The following ZDHHC18 variants were observed in gnomAD, a reference collection of about 807,000 sequenced individuals.
ZDHHC18 encodes zDHHC palmitoyltransferase 18, also known as palmitoyltransferase ZDHHC18.
Under a neutral mutation model 37.5 loss-of-function variants are expected in ZDHHC18, and 23 were observed. The observed-to-expected ratio is 0.61, with a 90% CI of 0.44 to 0.87. The LOEUF (loss-of-function observed/expected upper bound fraction) is 0.87. Ranked by LOEUF, ZDHHC18 falls within the 40% of genes least tolerant of loss-of-function variation. ZDHHC18 has a pLI of 0.00. For missense variants in ZDHHC18, 406 were observed against 525.6 expected, an observed-to-expected ratio of 0.77 and a Z score of 2.22; for synonymous variants, 185 against 218.7, an observed-to-expected ratio of 0.85 and a Z score of 1.36.
rs71007896 is a variant in ZDHHC18 at position 26,845,320 on chromosome 1, C to CTTTTTTTTTTTTTTTTTT, written c.497-3273_497-3256dup. Among the ~76,000 whole-genome samples, 2 of 45,194 alleles carry CTTTTTTTTTTTTTTTTTT rather than the reference C, an allele frequency of 4.4e-5. 1 individual carries two copies. Among genetic ancestry groups the CTTTTTTTTTTTTTTTTTT allele is most frequent in the African/African-American group, 2.5e-4 (2 of 7,956 alleles). The allele number at this position is 45,194 out of a possible 152,430, so 29.6% of individuals were successfully genotyped here. ...CTGCTCTAAAGGTTACTTCTTCATT[C>CTTTTTTTTTTTTTTTTTT]TTTTTTTTTTTTTTTTTTTTTTTTT... On this transcript the variant is annotated intron_variant, in intron 2 of 7. Transcript: ENST00000374142.
At chr1:26,840,888 C>G (rs2081635451) in intron 2 of ZDHHC18, among the ~76,000 whole-genome samples, 1 of 150,086 alleles carries the variant, frequency 6.7e-6, no homozygotes, top group African/African-American at 2.5e-5. Flanking sequence ...GTAGTTATCT[C>G]TCTTGTTAGG....
rs77097001 is a variant in ZDHHC18 at position 26,833,152 on chromosome 1, C to A, written c.496+545C>A. ...AGCAGTGAACAAAACTGACAATAGTCCCTGTCCTCATGGAGCTTGACAGTT... is the reference window on the plus strand; with the variant it reads ...AGCAGTGAACAAAACTGACAATAGTACCTGTCCTCATGGAGCTTGACAGTT... On this transcript the variant is annotated intron_variant, in intron 2 of 7. Transcript: ENST00000374142. Among the ~76,000 whole-genome samples, 1,074 of 152,302 alleles carry A rather than the reference C, an allele frequency of 7.1e-3. 11 individuals carry two copies. Among genetic ancestry groups the A allele is most frequent in the African/African-American group, 0.024 (1,011 of 41,560 alleles).
intron 2 of ZDHHC18, among the ~76,000 whole-genome samples, chr1:26,845,582 C>T (rs1201032819): frequency 2.6e-5 from 4 of 151,886 alleles, no homozygotes; most frequent in Admixed American, 2.6e-4. Flanking sequence ...ATCTGCCTGC[C>T]TTAGCCTCCC....
rs1407221359 is a variant in ZDHHC18 at position 26,853,700 on chromosome 1, CAT to C, written c.1050-25_1050-24del. On this transcript the variant is annotated intron_variant, in intron 7 of 7. Transcript: ENST00000374142. Reference sequence around the variant, plus strand: ...GAGCCTCAGTGTTGGGCAGAGCCCTCATGTGTCTCCCTTGTGTTTTGGAAGCC... The same window carrying C: ...GAGCCTCAGTGTTGGGCAGAGCCCTCGTGTCTCCCTTGTGTTTTGGAAGCC... The C allele has an allele frequency of 2.5e-6, 4 of 1,607,766 alleles. No individual in the cohort carries two copies. In the African/African-American group the frequency reaches 5.3e-5, roughly 21 times the overall value.
intron 1 of ZDHHC18, 116 bp from the exon 2 acceptor site, chr1:26,832,331 T>C: frequency 7.6e-7 from 1 of 1,319,018 alleles, no homozygotes; most frequent in Non-Finnish European, 1.1e-6. Flanking sequence ...AGAGCGAGGC[T>C]GTATTCAAGA....
intron 2 of ZDHHC18, among the ~76,000 whole-genome samples, chr1:26,844,783 A>G (rs541337191): frequency 1.3e-5 from 2 of 152,306 alleles, no homozygotes; most frequent in East Asian, 3.9e-4. Flanking sequence ...ACTAATGAAT[A>G]TAAGCACTTT....
intron 2 of ZDHHC18, among the ~76,000 whole-genome samples, chr1:26,837,828 A>G (rs2081620435): frequency 6.6e-6 from 1 of 152,028 alleles, no homozygotes; most frequent in Admixed American, 6.6e-5. Context: ...GGCAAGCTGC[A>G]GTCTACCCCA....
chr1:26,844,836 T>C (rs2081655458), intron 2 of ZDHHC18, among the ~76,000 whole-genome samples: 1 of 152,178 alleles, frequency 6.6e-6, no homozygotes, highest in Non-Finnish European at 1.5e-5. Flanking sequence ...TTTTATGAGA[T>C]GCCTACTTAA....
intron 1 of ZDHHC18, among the ~76,000 whole-genome samples, chr1:26,830,141 A>C (rs902380054): frequency 6.6e-6 from 1 of 152,238 alleles, no homozygotes; most frequent in Non-Finnish European, 1.5e-5. Context: ...CAGAAGCAGC[A>C]TGCAGGTGCC....
In ZDHHC18 at chr1:26,846,195, T is replaced by C. The variant is rs138162184; in HGVS notation, c.497-2413T>C. 2.7e-3 allele frequency among the ~76,000 whole-genome samples: 280 copies of C among 105,138 alleles called. 3 individuals are homozygous for C. Among genetic ancestry groups the C allele is most frequent in the African/African-American group, 8.2e-3 (217 of 26,510 alleles). The allele number at this position is 105,138 out of a possible 152,430, so 69.0% of individuals were successfully genotyped here. The stretch of plus-strand genomic sequence containing the variant: ...ATATATACACATATATCTATATACA[T>C]ACATATATACACGTATATACATATA... On this transcript the variant is annotated intron_variant, in intron 2 of 7. Transcript: ENST00000374142.
intron 2 of ZDHHC18, among the ~76,000 whole-genome samples, chr1:26,839,319 C>T (rs2081627349): frequency 6.6e-6 from 1 of 152,212 alleles, no homozygotes; most frequent in Non-Finnish European, 1.5e-5. Flanking sequence ...CTTAGATTCC[C>T]TGAGGGCAGG....
At chr1:26,849,889 C>T (rs1334303927) in intron 3 of ZDHHC18, among the ~76,000 whole-genome samples, 1 of 152,192 alleles carries the variant, frequency 6.6e-6, no homozygotes, top group Non-Finnish European at 1.5e-5. Context: ...CAGCACAGCC[C>T]CCCTCGCCCA....
Position 26,850,697 on chromosome 1 carries a change from C to T in ZDHHC18, c.833+91C>T. 7.1e-7 allele frequency: 1 copy of T among 1,407,220 alleles called. No homozygotes were observed. Among genetic ancestry groups the T allele is most frequent in the Non-Finnish European group, 9.9e-7 (1 of 1,007,626 alleles). The allele number at this position is 1,407,220 out of a possible 1,614,324, so 87.2% of individuals were successfully genotyped here. The stretch of plus-strand genomic sequence containing the variant: ...GCCTCATCCTCTAATCAGAAGGGAA[C>T]AGCGTACAGCTCACATGTGTCCTCC... On this transcript the variant is annotated intron_variant, in intron 5 of 7. Coordinates refer to ENST00000374142, the MANE Select transcript of ZDHHC18 (RefSeq NM_032283.3). The surrounding 1 kb of genome is among the most constrained non-coding windows in gnomAD (Gnocchi z 6.1).
chr1:26,846,814 T>G (rs888037389), intron 2 of ZDHHC18, among the ~76,000 whole-genome samples: 1 of 152,192 alleles, frequency 6.6e-6, no homozygotes, highest in African/African-American at 2.4e-5. Context: ...CTATAAATAT[T>G]TCAACATATG....
chr1:26,850,312 C>T lies in ZDHHC18; in HGVS notation c.658C>T (p.His220Tyr), dbSNP rs2081695766. The stretch of plus-strand genomic sequence containing the variant: ...TTGCCCTTGTCCAGAACGATTTGAC[C>T]ATCACTGCCCCTGGGTGGGCAACTG... ...VCDNCVERFD[H>Y]HCPWVGNCVG... The change falls in exon 4 of 8, where the codon CAT becomes TAT. Residue 220 changes from histidine to tyrosine, a missense_variant. His to Tyr is a moderately conservative substitution (Grantham distance 83). Coordinates refer to ENST00000374142, the MANE Select transcript of ZDHHC18 (RefSeq NM_032283.3). The surrounding 1 kb of genome is among the most constrained non-coding windows in gnomAD (Gnocchi z 6.1). The T allele has an allele frequency of 1.9e-6, 3 of 1,614,230 alleles. No individual in the cohort carries two copies. The highest frequency in any genetic ancestry group is 2.5e-6 in the Non-Finnish European group (3 of 1,180,028).
intron 1 of ZDHHC18, among the ~76,000 whole-genome samples, chr1:26,829,699 G>A (rs1255184341): frequency 1.3e-5 from 2 of 152,238 alleles, no homozygotes; most frequent in Non-Finnish European, 2.9e-5. Flanking sequence ...CTGGTATGCA[G>A]TAGGTGCTCA....
In ZDHHC18 at chr1:26,855,981, C is replaced by T. The variant is rs928916929; in HGVS notation, c.*2138C>T. 3 of 306,488 alleles carry T rather than the reference C, an allele frequency of 9.8e-6. No individual in the cohort carries two copies. The highest frequency in any genetic ancestry group is 7.5e-5 in the Admixed American group (2 of 26,644). 19.0% of individuals were successfully genotyped at this position (306,488 alleles called of 1,614,324 possible). ...CTTTGTCCCCTCCACCTTCCCCTGC[C>T]TCAGGGGCTTGGAGACCCCCAAATT... On this transcript the variant is annotated 3_prime_UTR_variant, in exon 8 of 8. Coordinates refer to ENST00000374142, the MANE Select transcript of ZDHHC18 (RefSeq NM_032283.3).
chr1:26,839,264 T>A (rs1187314484), intron 2 of ZDHHC18, among the ~76,000 whole-genome samples: 1 of 152,248 alleles, frequency 6.6e-6, no homozygotes, highest in Non-Finnish European at 1.5e-5. Context: ...GGCACCTTTT[T>A]ACTTGGGAAG....
In ZDHHC18 at chr1:26,826,972, C is replaced by A. The variant is rs568455037; in HGVS notation, c.168C>A (p.Gly56=). The A allele has an allele frequency of 7.4e-6, 9 of 1,216,196 alleles. No individual in the cohort carries two copies. In the South Asian group the frequency reaches 3.7e-4, roughly 50 times the overall value. The allele number at this position is 1,216,196 out of a possible 1,614,324, so 75.3% of individuals were successfully genotyped here. ...GGAGCAGCAGCGGCAGCGGCAGCGG[C>A]AGCGGGAGCGGGAGCCTCGGCCGCC... ...PRWSSSGSGS[G]SGSGSLGRRP... The change falls in exon 1 of 8, where the codon GGC becomes GGA. Residue 56 remains glycine (G), a synonymous_variant. Coordinates refer to ENST00000374142, the MANE Select transcript of ZDHHC18 (RefSeq NM_032283.3). The surrounding 1 kb of genome is among the most constrained non-coding windows in gnomAD (Gnocchi z 5.2).
Sources: allele counts gnomAD v4.1 joint callset (sites outside exome capture counted in the v4.1 genomes callset), GRCh38; gene constraint gnomAD v4.1.1; non-coding constraint Gnocchi (gnomAD v3.1); transcripts MANE v1.5; gene names NCBI Gene and HGNC (gene_info 2026-07-23, HGNC 2026-07-21).